Variants in STK39 observed in about 807,000 individuals in gnomAD.
STK39 encodes the protein STE20/SPS1-related proline-alanine-rich protein kinase.
STK39 carries 20 observed loss-of-function variants against 77.8 expected under a neutral mutation model. That is an observed-to-expected ratio of 0.26 (90% CI 0.18 to 0.37). The LOEUF (loss-of-function observed/expected upper bound fraction) is 0.37. Among genes scored for constraint, STK39 ranks in the 10% least tolerant of loss-of-function variants. The pLI is 1.00. For synonymous variants in STK39, 246 were observed against 234.1 expected (o/e 1.05, Z -0.47); for missense variants, 479 against 656.5 (o/e 0.73, Z 2.95).
At chr2:167,999,576 C>T (rs1683940261) in intron 16 of STK39, among the ~76,000 whole-genome samples, 1 of 152,088 alleles carries the variant, frequency 6.6e-6, no homozygotes, top group South Asian at 2.1e-4. Context: ...ATTCTCCTGA[C>T]TCAGCCTCCC....
chr2:168,077,050 T>G (rs1293740731), intron 10 of STK39, among the ~76,000 whole-genome samples: 1 of 152,232 alleles, frequency 6.6e-6, no homozygotes, highest in Non-Finnish European at 1.5e-5. Flanking sequence ...AAACATATGT[T>G]AATGACTACA....
intron 14 of STK39, among the ~76,000 whole-genome samples, chr2:168,046,855 G>A (rs868467142): frequency 2.0e-5 from 3 of 152,206 alleles, no homozygotes; most frequent in African/African-American, 7.2e-5. Flanking sequence ...CATTCCAAGT[G>A]ACAGGAAAAT....
chr2:168,129,881 G>A, intron 8 of STK39, 123 bp from the exon 9 acceptor site: 1 of 1,029,144 alleles, frequency 9.7e-7, no homozygotes. Flanking sequence ...GCAAAACTGG[G>A]AACCAAATTA....
At chr2:168,005,699 C>T (rs771282516) in intron 16 of STK39, among the ~76,000 whole-genome samples, 4 of 152,140 alleles carry the variant, frequency 2.6e-5, no homozygotes, top group Non-Finnish European at 4.4e-5. Flanking sequence ...GAAAGCCATA[C>T]GTCTTGAGGT....
chr2:168,171,841 CA>C lies in STK39; in HGVS notation c.322-4435del, dbSNP rs1406578458. ...ATATTGCTATATGGCCTTTCATTTCCACGCCCCCCCCACTCCCCCCTCCCCC... is the reference window on the plus strand; with the variant it reads ...ATATTGCTATATGGCCTTTCATTTCCCGCCCCCCCCACTCCCCCCTCCCCC... On this transcript the variant is annotated intron_variant, in intron 2 of 17. Coordinates refer to ENST00000355999, the MANE Select transcript of STK39 (RefSeq NM_013233.3). Among the ~76,000 whole-genome samples the C allele has an allele frequency of 1.1e-3, 154 of 134,030 alleles. 1 individual carries two copies. Among genetic ancestry groups the C allele is most frequent in the African/African-American group, 4.7e-3 (151 of 31,792 alleles). 87.9% of individuals were successfully genotyped at this position (134,030 alleles called of 152,430 possible).
chr2:168,209,590 G>A (rs1689831961), intron 1 of STK39, among the ~76,000 whole-genome samples: 1 of 152,322 alleles, frequency 6.6e-6, no homozygotes, highest in South Asian at 2.1e-4. Flanking sequence ...TGGGGCAGAA[G>A]AATCACTTGA....
chr2:168,054,777 CAA>C (rs5836168), intron 14 of STK39, among the ~76,000 whole-genome samples: 2 of 149,146 alleles, frequency 1.3e-5, no homozygotes, highest in Non-Finnish European at 1.5e-5. Flanking sequence ...TTGAAAAAAA[CAA>C]AAAAAAAAAC....
At chr2:168,054,537 A>G (rs1331028026) in intron 14 of STK39, among the ~76,000 whole-genome samples, 2 of 152,240 alleles carry the variant, frequency 1.3e-5, no homozygotes, top group Non-Finnish European at 2.9e-5. Flanking sequence ...CTCAAAGAAA[A>G]CAACCAAAAG....
At chr2:168,179,416 G>A (rs1253014755) in intron 2 of STK39, among the ~76,000 whole-genome samples, 1 of 151,856 alleles carries the variant, frequency 6.6e-6, no homozygotes, top group South Asian at 2.1e-4. Context: ...GTTTGAAAAC[G>A]ACCTGGGAGT....
intron 16 of STK39, among the ~76,000 whole-genome samples, chr2:167,967,605 C>T (rs978201371): frequency 4.6e-5 from 7 of 152,136 alleles, no homozygotes; most frequent in Non-Finnish European, 7.4e-5. Context: ...AACAGCCACA[C>T]GGAAAAGACG....
rs1232040220 is a variant in STK39, at chr2:168,053,779, A to G, written c.1376+9721T>C. ...GTATATGCCAAAGGCAACACCTTACACGACCCTCTATCACCTATATGTATA... is the reference window on the plus strand; with the variant it reads ...GTATATGCCAAAGGCAACACCTTACGCGACCCTCTATCACCTATATGTATA... On this transcript the variant is annotated intron_variant, in intron 14 of 17. Coordinates refer to ENST00000355999, the MANE Select transcript of STK39 (RefSeq NM_013233.3). Among the ~76,000 whole-genome samples the G allele has an allele frequency of 2.6e-5, 4 of 152,218 alleles. No individual in the cohort carries two copies. The East Asian group carries it at 7.7e-4, about 29-fold the overall frequency.
chr2:168,070,156 T>C (rs1199615655), intron 12 of STK39, among the ~76,000 whole-genome samples: 1 of 152,138 alleles, frequency 6.6e-6, no homozygotes, highest in East Asian at 1.9e-4. Context: ...CTAAGGAAAC[T>C]GTCCTTGCAA....
intron 14 of STK39, among the ~76,000 whole-genome samples, chr2:168,062,254 C>T (rs535765204): frequency 2.6e-5 from 4 of 152,114 alleles, no homozygotes; most frequent in Admixed American, 1.3e-4. Flanking sequence ...GAGCTCCTGG[C>T]GCAGAGTGGG....
chr2:168,167,361 G>A lies in STK39; in HGVS notation c.368C>T (p.Thr123Ile), dbSNP rs1447312073. The change falls in exon 3 of 18, where the codon ACC (threonine) becomes ATC (isoleucine). Residue 123 changes from threonine (T) to isoleucine (I), a missense_variant. Transcript: ENST00000355999. ...TTTGACCACAAAAGAGGTGTAATAG[G>A]TCACTACGTTGGGATGGCTGCACTG... ...MSQCSHPNVV[T>I]YYTSFVVKDE... 2 of 1,613,736 alleles carry A rather than the reference G, an allele frequency of 1.2e-6. No homozygotes were observed. Among genetic ancestry groups the A allele is most frequent in the Non-Finnish European group, 1.7e-6 (2 of 1,179,784 alleles).
At chr2:167,991,896 C>A (rs1683708681) in intron 16 of STK39, among the ~76,000 whole-genome samples, 1 of 152,146 alleles carries the variant, frequency 6.6e-6, no homozygotes, top group Non-Finnish European at 1.5e-5. Flanking sequence ...ACTGGTGATT[C>A]CAATGAGTTA....
chr2:168,062,279 G>A (rs73017389), intron 14 of STK39, among the ~76,000 whole-genome samples: 3,309 of 152,110 alleles, frequency 0.022, 103 homozygotes, highest in African/African-American at 0.076. Context: ...TCATAAATAC[G>A]GGCTGAATTA....
chr2:168,025,575 TG>T (rs1200480995), intron 14 of STK39, among the ~76,000 whole-genome samples: 1 of 152,234 alleles, frequency 6.6e-6, no homozygotes, highest in East Asian at 1.9e-4. Flanking sequence ...ACATGGCTTT[TG>T]CTAAGGCTAA....
intron 14 of STK39, among the ~76,000 whole-genome samples, chr2:168,031,242 A>G (rs1055487893): frequency 9.8e-5 from 15 of 152,346 alleles, no homozygotes; most frequent in African/African-American, 3.6e-4. Flanking sequence ...CAGTATTTAA[A>G]GAGACGACAA....
chr2:168,158,007 A>G (rs1276681004), intron 5 of STK39, among the ~76,000 whole-genome samples: 1 of 152,166 alleles, frequency 6.6e-6, no homozygotes, highest in Non-Finnish European at 1.5e-5. Context: ...TTTGCTCAAA[A>G]TAGTGTCTCT....
Sources: allele counts gnomAD v4.1 joint callset (sites outside exome capture counted in the v4.1 genomes callset), GRCh38; gene constraint gnomAD v4.1.1; transcripts MANE v1.5; gene names NCBI Gene and HGNC (gene_info 2026-07-23, HGNC 2026-07-21).